Variants in MIR2052HG observed in about 807,000 individuals in gnomAD.
The protein encoded by MIR2052HG is MIR2052 host gene.
chr8:74,638,803 C>T (rs1029807772), intron 2 of MIR2052HG, among the ~76,000 whole-genome samples: 13 of 151,952 alleles, frequency 8.6e-5, no homozygotes, highest in South Asian at 2.1e-4. Flanking sequence ...AACTAAGTGG[C>T]GAACTAAGTG....
At chr8:74,730,812 G>A (rs1242076034) in intron 4 of MIR2052HG, among the ~76,000 whole-genome samples, 4 of 152,038 alleles carry the variant, frequency 2.6e-5, no homozygotes, top group African/African-American at 7.3e-5. Flanking sequence ...AAAAAGAGGG[G>A]TCTGTAATCT....
At chr8:74,629,988 T>G (rs1808485882) in intron 2 of MIR2052HG, among the ~76,000 whole-genome samples, 1 of 152,098 alleles carries the variant, frequency 6.6e-6, no homozygotes, top group South Asian at 2.1e-4. Context: ...ATAAATATAC[T>G]AGGAATTCTC....
chr8:74,612,388 C>T (rs1808210651), intron 1 of MIR2052HG: 1 of 159,532 alleles, frequency 6.3e-6, no homozygotes, highest in South Asian at 1.7e-4. Context: ...GTCTGTAGCT[C>T]CACCATTTCT....
intron 2 of MIR2052HG, among the ~76,000 whole-genome samples, chr8:74,620,692 A>C (rs1808349463): frequency 6.6e-6 from 1 of 152,238 alleles, no homozygotes; most frequent in Admixed American, 6.5e-5. Flanking sequence ...TGCACAGAGC[A>C]GAGTGGCCTT....
chr8:74,603,667 T>TG, intron 1 of MIR2052HG: 1 of 1,081,184 alleles, frequency 9.2e-7, no homozygotes, highest in Non-Finnish European at 1.4e-6. Context: ...GGTATAGGCC[T>TG]GACCGCCTGC....
intron 2 of MIR2052HG, among the ~76,000 whole-genome samples, chr8:74,701,770 C>A (rs1282004329): frequency 6.6e-6 from 1 of 152,088 alleles, no homozygotes; most frequent in East Asian, 1.9e-4. Flanking sequence ...GATTTAACTT[C>A]TATGGTGCTT....
chr8:74,732,752 G>A (rs1191855454), intron 4 of MIR2052HG, among the ~76,000 whole-genome samples: 2 of 152,154 alleles, frequency 1.3e-5, no homozygotes, highest in South Asian at 2.1e-4. Context: ...CAAGGGAGGA[G>A]GGAATAGGTA....
intron 4 of MIR2052HG, among the ~76,000 whole-genome samples, chr8:74,750,552 A>G (rs1402548060): frequency 6.7e-6 from 1 of 149,518 alleles, no homozygotes; most frequent in Non-Finnish European, 1.5e-5. Context: ...TAAACAAATA[A>G]GAGGTCATTT....
intron 2 of MIR2052HG, among the ~76,000 whole-genome samples, chr8:74,649,071 A>G (rs1188515138): frequency 6.6e-6 from 1 of 152,162 alleles, no homozygotes; most frequent in African/African-American, 2.4e-5. Context: ...AGAGGCAAAA[A>G]AAAAAATTAG....
chr8:74,646,158 T>C (rs1808688458), intron 2 of MIR2052HG, among the ~76,000 whole-genome samples: 1 of 139,410 alleles, frequency 7.2e-6, no homozygotes, highest in Non-Finnish European at 1.5e-5. Flanking sequence ...ATTAATACCA[T>C]GATAAGGGAA....
intron 2 of MIR2052HG, among the ~76,000 whole-genome samples, chr8:74,638,510 G>A (rs1462422734): frequency 1.3e-5 from 2 of 152,142 alleles, no homozygotes; most frequent in African/African-American, 4.8e-5. Context: ...TTGCTCAGGT[G>A]AAATATGCTG....
At chr8:74,740,763 G>T (rs532985163) in intron 4 of MIR2052HG, among the ~76,000 whole-genome samples, 1 of 152,124 alleles carries the variant, frequency 6.6e-6, no homozygotes, top group Non-Finnish European at 1.5e-5. Flanking sequence ...TAGAAAAATC[G>T]TCTTATTGCT....
At chr8:74,664,278 A>T (rs527688376) in intron 2 of MIR2052HG, among the ~76,000 whole-genome samples, 1 of 152,016 alleles carries the variant, frequency 6.6e-6, no homozygotes, top group African/African-American at 2.4e-5. Flanking sequence ...ATTGAAATTT[A>T]AAAAAAAGAA....
intron 2 of MIR2052HG, among the ~76,000 whole-genome samples, chr8:74,638,675 C>T (rs376352217): frequency 1.3e-5 from 2 of 152,084 alleles, no homozygotes; most frequent in South Asian, 2.1e-4. Context: ...GCTGGGGAAG[C>T]AATGAGAAAC....
Position 74,634,644 on chromosome 8 carries a change from T to G in MIR2052HG, n.216+21704T>G, listed in dbSNP as rs138733717. On this transcript the variant is annotated intron_variant and non_coding_transcript_variant, in intron 2 of 6. Coordinates refer to ENST00000523442, the Ensembl canonical transcript of MIR2052HG. ...TGGCTTAATATAGTCAAAATTACAC[T>G]TTTGTTACCATGAGTGAGTAAAGAC... Among the ~76,000 whole-genome samples the G allele has an allele frequency of 2.4e-3, 369 of 152,274 alleles. 1 individual carries two copies. Among genetic ancestry groups the G allele is most frequent in the African/African-American group, 8.2e-3 (341 of 41,544 alleles).
At chr8:74,670,397 C>A (rs1461532557) in intron 2 of MIR2052HG, among the ~76,000 whole-genome samples, 1 of 152,098 alleles carries the variant, frequency 6.6e-6, no homozygotes, top group Admixed American at 6.6e-5. Flanking sequence ...GGCTATATAT[C>A]TAAAGAAACT....
At chr8:74,634,798 A>C (rs923876193) in intron 2 of MIR2052HG, among the ~76,000 whole-genome samples, 1 of 152,116 alleles carries the variant, frequency 6.6e-6, no homozygotes, top group African/African-American at 2.4e-5. Context: ...GAAACGGACA[A>C]CGAAATCTGA....
intron 2 of MIR2052HG, among the ~76,000 whole-genome samples, chr8:74,623,541 T>C (rs555566500): frequency 6.6e-6 from 1 of 152,360 alleles, no homozygotes; most frequent in East Asian, 1.9e-4. Context: ...TTAAATTTTA[T>C]TCTAAAATAA....
At chr8:74,741,079 T>G (rs1809823946) in intron 4 of MIR2052HG, among the ~76,000 whole-genome samples, 1 of 152,216 alleles carries the variant, frequency 6.6e-6, no homozygotes, top group Non-Finnish European at 1.5e-5. Flanking sequence ...CACATAATCT[T>G]GTTTCATGTG....
Sources: allele counts gnomAD v4.1 joint callset (sites outside exome capture counted in the v4.1 genomes callset), GRCh38; gene constraint gnomAD v4.1.1; transcripts MANE v1.5; gene names NCBI Gene and HGNC (gene_info 2026-07-23, HGNC 2026-07-21).